ZNF644: variants seen among roughly 807,000 people sequenced by gnomAD.
ZNF644 encodes zinc finger motif enhancer binding protein 2.
Under a neutral mutation model 108.0 loss-of-function variants are expected in ZNF644, and 20 were observed. The observed-to-expected ratio is 0.19, with a 90% confidence interval of 0.13 to 0.27. The LOEUF (loss-of-function observed/expected upper bound fraction) is 0.27. Among genes scored for constraint, ZNF644 ranks in the 10% least tolerant of loss-of-function variants. ZNF644 has a pLI of 1.00. For missense variants in ZNF644, 1,338 were observed against 1,548.9 expected, an observed-to-expected ratio of 0.86 and a Z score of 2.29; for synonymous variants, 542 against 539.1, an observed-to-expected ratio of 1.01 and a Z score of -0.08.
chr1:90,966,320 T>TTTTA (rs1654880192), intron 2 of ZNF644, among the ~76,000 whole-genome samples: 3 of 152,154 alleles, frequency 2.0e-5, no homozygotes, highest in Non-Finnish European at 2.9e-5. Flanking sequence ...TATTTGATCA[T>TTTTA]TTGTTTTTTT....
At chr1:90,958,548 C>T (rs777742832) in intron 2 of ZNF644, among the ~76,000 whole-genome samples, 32 of 152,128 alleles carry the variant, frequency 2.1e-4, no homozygotes, top group Non-Finnish European at 3.5e-4. Context: ...AGAAGGAGTA[C>T]TCACACTCCC....
chr1:90,973,306 G>A (rs1298851286), intron 2 of ZNF644: 1 of 152,058 alleles, frequency 6.6e-6, no homozygotes, highest in Non-Finnish European at 1.5e-5. Flanking sequence ...GTATTTTCCT[G>A]TGTAGTATTT....
At position 90,982,303 on chromosome 1, in the gene ZNF644, T is replaced by C. The variant is rs373028934; in HGVS notation, c.44+7A>G. 6.8e-6 allele frequency: 11 copies of C among 1,606,988 alleles called. No homozygotes were observed. The highest frequency in any genetic ancestry group is 8.5e-6 in the Non-Finnish European group (10 of 1,176,310). Reference sequence around the variant, plus strand: ...ATGTACATTTAACAAAGCAGTCTTCTACTTACCTAGATTTTGTCTTATTAA... The same window carrying C: ...ATGTACATTTAACAAAGCAGTCTTCCACTTACCTAGATTTTGTCTTATTAA... On this transcript the variant is annotated splice_region_variant and intron_variant, in intron 2 of 5. Coordinates refer to ENST00000337393, the MANE Select transcript of ZNF644 (RefSeq NM_201269.3).
intron 4 of ZNF644, 24 bp from the exon 5 acceptor site, chr1:90,918,178 T>G: frequency 6.4e-7 from 1 of 1,569,974 alleles, no homozygotes; most frequent in South Asian, 1.1e-5. Context: ...GAGAAAGACT[T>G]AACATTCCTT....
intron 4 of ZNF644, among the ~76,000 whole-genome samples, chr1:90,918,865 A>G (rs1027139075): frequency 6.6e-6 from 1 of 152,112 alleles, no homozygotes; most frequent in Non-Finnish European, 1.5e-5. Context: ...ATATAAATCC[A>G]TATTATCTCA....
At chr1:91,020,383 G>C (rs905648794) in intron 1 of ZNF644, 1 of 152,156 alleles carries the variant, frequency 6.6e-6, no homozygotes, top group Non-Finnish European at 1.5e-5. Flanking sequence ...CAAAACATTA[G>C]GTGTTTCAAA....
At chr1:90,987,014 C>A (rs1198409783) in intron 1 of ZNF644, among the ~76,000 whole-genome samples, 2 of 147,152 alleles carry the variant, frequency 1.4e-5, no homozygotes, top group African/African-American at 2.5e-5. Context: ...TGAGATGCAA[C>A]AAAAGCAGTA....
intron 1 of ZNF644, among the ~76,000 whole-genome samples, chr1:90,992,522 A>G (rs946162173): frequency 2.6e-5 from 4 of 152,210 alleles, no homozygotes; most frequent in African/African-American, 9.6e-5. Context: ...GATGTATGAA[A>G]CAAATATAGC....
intron 2 of ZNF644, among the ~76,000 whole-genome samples, chr1:90,959,463 T>C (rs1185607388): frequency 1.3e-5 from 2 of 152,220 alleles, no homozygotes; most frequent in Admixed American, 1.3e-4. Flanking sequence ...TTTATAGCAC[T>C]GTATTCATAA....
intron 4 of ZNF644, among the ~76,000 whole-genome samples, chr1:90,926,293 T>A (rs1295575331): frequency 6.6e-6 from 1 of 152,214 alleles, no homozygotes; most frequent in Non-Finnish European, 1.5e-5. Context: ...GAACATGGGA[T>A]GTATGTAACA....
At position 90,939,752 on chromosome 1, in the gene ZNF644, T is replaced by G; in HGVS notation, c.1602A>C (p.Ala534=). ...GGCATTCCAATTCATTTTCTGTCAC[T>G]GCCATGAAGTTACACTCTTCACAGC... is the stretch of plus-strand genomic sequence containing the variant. ...YYCCEECNFM[A]VTENELECHR... The change falls in exon 3 of 6, where the codon GCA becomes GCC. Residue 534 remains alanine, a synonymous_variant. Coordinates refer to ENST00000337393, the MANE Select transcript of ZNF644 (RefSeq NM_201269.3). 6.2e-7 allele frequency: 1 copy of G among 1,614,002 alleles called. No homozygotes were observed. The highest frequency in any genetic ancestry group is 2.2e-5 in the East Asian group (1 of 44,872).
chr1:90,941,257 T>A lies in ZNF644; in HGVS notation c.97A>T (p.Thr33Ser). 1 of 1,600,734 alleles carries A rather than the reference T, an allele frequency of 6.2e-7. No homozygotes were observed. Among genetic ancestry groups the A allele is most frequent in the Non-Finnish European group, 8.5e-7 (1 of 1,176,582 alleles). Residue 33 changes from threonine (T) to serine (S), a missense_variant, in exon 3 of 6, where the codon ACC becomes TCC. Coordinates refer to ENST00000337393, the MANE Select transcript of ZNF644 (RefSeq NM_201269.3). The part of the protein sequence containing the change: ...ANNMDDLKIN[T>S]DITGAKEELL... ...TCTTCTTTAGCACCAGTAATATCGGTGTTTATCTTCAAATCATCCATATTG... is the reference window on the plus strand; with the variant it reads ...TCTTCTTTAGCACCAGTAATATCGGAGTTTATCTTCAAATCATCCATATTG...
intron 4 of ZNF644, among the ~76,000 whole-genome samples, chr1:90,918,674 G>A (rs1460385107): frequency 2.6e-5 from 4 of 151,934 alleles, no homozygotes; most frequent in Non-Finnish European, 5.9e-5. Flanking sequence ...AAAGCTCAAG[G>A]AAAAATCAAT....
chr1:90,916,519 A>C lies in ZNF644; in HGVS notation c.*279T>G. The C allele has an allele frequency of 2.3e-6, 1 of 430,318 alleles. No homozygotes were observed. Among genetic ancestry groups the C allele is most frequent in the Non-Finnish European group, 4.2e-6 (1 of 235,368 alleles). The allele number at this position is 430,318 out of a possible 1,614,324, so 26.7% of individuals were successfully genotyped here. A position where few individuals can be genotyped will look rare whatever the true frequency, so the allele number is the denominator to read the frequency against. On this transcript the variant is annotated 3_prime_UTR_variant, in exon 6 of 6. Coordinates refer to ENST00000337393, the MANE Select transcript of ZNF644 (RefSeq NM_201269.3). ...CTGTCTATAAGTATCCATGTGCAAC[A>C]GTTTATTAATGGCTGCTTACATGTA...
rs771758105 is a variant in ZNF644, at chr1:90,939,628, C to T, written c.1726G>A (p.Val576Ile). Reference protein sequence around the residue: ...TQKKTFMKDSVVGSSKKSATY... With the variant: ...TQKKTFMKDSIVGSSKKSATY... ...GCTGATTTTTTGGATGATCCTACTA[C>T]AGAGTCTTTCATGAAAGTCTTTTTT... Residue 576 changes from valine (V) to isoleucine (I), a missense_variant, in exon 3 of 6, where the codon GTA (valine) becomes ATA (isoleucine). Physicochemically the swap from Val to Ile is conservative, Grantham distance 29. Coordinates refer to ENST00000337393, the MANE Select transcript of ZNF644 (RefSeq NM_201269.3). 4 of 1,613,894 alleles carry T rather than the reference C, an allele frequency of 2.5e-6. No homozygotes were observed. Among genetic ancestry groups the T allele is most frequent in the Non-Finnish European group, 3.4e-6 (4 of 1,179,946 alleles).
In ZNF644 at chr1:91,016,020, C is replaced by T. The variant is rs183243188; in HGVS notation, c.-18+5970G>A. On this transcript the variant is annotated intron_variant, in intron 1 of 5. Coordinates refer to ENST00000337393, the MANE Select transcript of ZNF644 (RefSeq NM_201269.3). ...GTGCTCACACAGCTAAATCTGAACC[C>T]TGTCAATTTTACTTCAAGGCTTACA... Among the ~76,000 whole-genome samples, 13 of 152,222 alleles carry T rather than the reference C, an allele frequency of 8.5e-5. No homozygotes were observed. In the East Asian group the frequency reaches 2.5e-3, roughly 29 times the overall value.
At chr1:90,925,318 G>C (rs1423929623) in intron 4 of ZNF644, among the ~76,000 whole-genome samples, 2 of 152,054 alleles carry the variant, frequency 1.3e-5, no homozygotes, top group African/African-American at 4.8e-5. Flanking sequence ...ATAGCCAATC[G>C]ATAGCTTACG....
At chr1:91,021,883 G>T in intron 1 of ZNF644, 107 bp downstream of exon 1, 1 of 398,540 alleles carries the variant, frequency 2.5e-6, no homozygotes, top group East Asian at 3.6e-5. Flanking sequence ...CGGAGGCCGG[G>T]TCCCCCAAGT....
chr1:91,001,154 G>A (rs529490874), intron 1 of ZNF644, among the ~76,000 whole-genome samples: 1 of 152,004 alleles, frequency 6.6e-6, no homozygotes, highest in African/African-American at 2.4e-5. Flanking sequence ...CAATCAATAG[G>A]AAAAGAGGGA....
Sources: allele counts gnomAD v4.1 joint callset (sites outside exome capture counted in the v4.1 genomes callset), GRCh38; gene constraint gnomAD v4.1.1; transcripts MANE v1.5; gene names NCBI Gene and HGNC (gene_info 2026-07-23, HGNC 2026-07-21).